The following PLA2G7 variants were observed in gnomAD, a reference collection of about 807,000 sequenced individuals.
PLA2G7 encodes the protein platelet-activating factor acetylhydrolase.
PLA2G7 carries 63 observed loss-of-function variants against 49.6 expected under a neutral mutation model. The observed-to-expected ratio is 1.27, with a 90% CI of 1.04 to 1.57. The LOEUF is 1.57. Ranked by LOEUF, PLA2G7 falls within the 40% of genes most tolerant of loss-of-function variation. PLA2G7 has a pLI of 0.00. For missense variants in PLA2G7, 596 were observed against 521.2 expected, an observed-to-expected ratio of 1.14 and a Z score of -1.40; for synonymous variants, 193 against 169.9, an observed-to-expected ratio of 1.14 and a Z score of -1.06.
intron 5 of PLA2G7, among the ~76,000 whole-genome samples, chr6:46,713,299 G>A (rs78327155): frequency 6.6e-6 from 1 of 152,152 alleles, no homozygotes; most frequent in Non-Finnish European, 1.5e-5. Flanking sequence ...TTCAAGAGGG[G>A]GGAATGATAT....
At chr6:46,729,984 TAA>T (rs1019865390) in intron 1 of PLA2G7, among the ~76,000 whole-genome samples, 3 of 152,196 alleles carry the variant, frequency 2.0e-5, no homozygotes, top group African/African-American at 7.2e-5. Flanking sequence ...AGGAAAAATC[TAA>T]AGACATCTTC....
rs1385770593 is a variant in PLA2G7 at position 46,708,140 on chromosome 6, T to C, written c.891A>G (p.Ala297=). 4 of 1,612,550 alleles carry C rather than the reference T, an allele frequency of 2.5e-6. No homozygotes were observed. Among genetic ancestry groups the C allele is most frequent in the South Asian group, 2.2e-5 (2 of 91,044 alleles). The part of the protein sequence containing the change: ...QRFRCGIALD[A]WMFPLGDEVY... ...CTTCATCACCCAGTGGAAACATCCA[T>C]GCATCCAGGGCAATACCACATCTGT... Residue 297 remains alanine (A), a synonymous_variant, in exon 10 of 12, where the codon GCA becomes GCG. Coordinates refer to ENST00000274793, the MANE Select transcript of PLA2G7 (RefSeq NM_005084.4).
intron 2 of PLA2G7, among the ~76,000 whole-genome samples, chr6:46,717,470 T>C (rs749613477): frequency 5.3e-5 from 8 of 152,192 alleles, no homozygotes; most frequent in Non-Finnish European, 8.8e-5. Context: ...TAACTTCTCC[T>C]TGAGCATCTC....
intron 1 of PLA2G7, among the ~76,000 whole-genome samples, chr6:46,727,301 T>C (rs938769530): frequency 3.3e-5 from 5 of 152,106 alleles, no homozygotes; most frequent in African/African-American, 1.2e-4. Context: ...CCCAAAACAA[T>C]AGATAAAATG....
chr6:46,725,481 T>C (rs1252997871), intron 1 of PLA2G7, among the ~76,000 whole-genome samples: 2 of 152,026 alleles, frequency 1.3e-5, no homozygotes, highest in Non-Finnish European at 2.9e-5. Context: ...CTGCCCACCT[T>C]GGCCTCCCAA....
chr6:46,728,054 CA>C (rs1765623712), intron 1 of PLA2G7, among the ~76,000 whole-genome samples: 1 of 152,138 alleles, frequency 6.6e-6, no homozygotes, highest in South Asian at 2.1e-4. Flanking sequence ...CTGAATGAGA[CA>C]AAAAGCAAAT....
intron 10 of PLA2G7, among the ~76,000 whole-genome samples, chr6:46,705,682 G>A (rs1044505548): frequency 6.6e-6 from 1 of 152,190 alleles, no homozygotes; most frequent in Non-Finnish European, 1.5e-5. Flanking sequence ...ACTGAACGTG[G>A]TATGTATTTG....
At chr6:46,731,642 A>G (rs937334983) in intron 1 of PLA2G7, among the ~76,000 whole-genome samples, 25 of 152,232 alleles carry the variant, frequency 1.6e-4, no homozygotes, top group African/African-American at 5.8e-4. Context: ...AATTAGGTTT[A>G]CTGAAAATAA....
intron 2 of PLA2G7, among the ~76,000 whole-genome samples, chr6:46,719,661 T>C (rs1472128617): frequency 6.6e-6 from 1 of 152,182 alleles, no homozygotes. Flanking sequence ...TCCTCTGGCC[T>C]AGTTGCTCCC....
chr6:46,711,448 G>T, intron 7 of PLA2G7, 48 bp downstream of exon 7: 1 of 1,604,916 alleles, frequency 6.2e-7, no homozygotes, highest in South Asian at 1.1e-5. Flanking sequence ...TCATCCTTTT[G>T]TACATGCTTT....
intron 6 of PLA2G7, 71 bp from the exon 7 acceptor site, chr6:46,711,690 C>T: frequency 6.7e-7 from 1 of 1,483,588 alleles, no homozygotes. Flanking sequence ...TTTCTCAGTT[C>T]CATCCTTGAC....
rs767771704 is a variant in PLA2G7 at position 46,709,415 on chromosome 6, A to G, written c.781T>C (p.Ser261Pro). The G allele has an allele frequency of 3.2e-6, 5 of 1,562,430 alleles. No individual in the cohort carries two copies. Among genetic ancestry groups the G allele is most frequent in the Non-Finnish European group, 4.4e-6 (5 of 1,133,456 alleles). Residue 261 changes from serine (S) to proline (P), a missense_variant, in exon 9 of 12, where the codon TCT becomes CCT. Coordinates refer to ENST00000274793, the MANE Select transcript of PLA2G7 (RefSeq NM_005084.4). Reference sequence around the variant, plus strand: ...ACTGCTATTTTTTCCCTATCAATAGAGTCCTATTTGAAAAAGCATGATATA... The same window carrying G: ...ACTGCTATTTTTTCCCTATCAATAGGGTCCTATTTGAAAAAGCATGATATA... ...LKFDMEQLKD[S>P]IDREKIAVIG... is the part of the protein sequence containing the mutation.
intron 2 of PLA2G7, among the ~76,000 whole-genome samples, chr6:46,722,535 G>A (rs375729262): frequency 6.6e-5 from 10 of 152,274 alleles, no homozygotes; most frequent in African/African-American, 2.4e-4. Context: ...TGAGCGTCCA[G>A]TATATCTTAA....
intron 1 of PLA2G7, among the ~76,000 whole-genome samples, chr6:46,725,063 A>C (rs1765527246): frequency 6.6e-6 from 1 of 152,208 alleles, no homozygotes; most frequent in South Asian, 2.1e-4. Context: ...GGAAGAAAGC[A>C]AATTACAGGG....
chr6:46,710,381 G>A lies in PLA2G7; in HGVS notation c.777+164C>T, dbSNP rs45609134. On this transcript the variant is annotated intron_variant, in intron 8 of 11. Coordinates refer to ENST00000274793, the MANE Select transcript of PLA2G7 (RefSeq NM_005084.4). Reference sequence around the variant, plus strand: ...CCAAGATAATGCATTCTTCATTGCTGCAATACTTTACCTGTACTGCTTTGT... The same window carrying A: ...CCAAGATAATGCATTCTTCATTGCTACAATACTTTACCTGTACTGCTTTGT... 4,844 of 633,432 alleles carry A rather than the reference G, an allele frequency of 7.6e-3. 27 individuals are homozygous for A. Among genetic ancestry groups the A allele is most frequent in the Non-Finnish European group, 0.01 (3,645 of 352,752 alleles). 39.2% of individuals were successfully genotyped at this position (633,432 alleles called of 1,614,324 possible).
rs41330644 is a variant in PLA2G7, at chr6:46,709,457, G to A, written c.778-39C>T. ...CATGATATAAATTTATAGCTATTTC[G>A]TGGTGTTAGAAGAAATGATTTTGTC... On this transcript the variant is annotated intron_variant, in intron 8 of 11. Transcript: ENST00000274793. The A allele has an allele frequency of 9.3e-4, 1,032 of 1,107,986 alleles. 7 individuals are homozygous for A. In the East Asian group the frequency reaches 0.021, roughly 23 times the overall value. 68.6% of individuals were successfully genotyped at this position (1,107,986 alleles called of 1,614,324 possible).
At position 46,708,160 on chromosome 6, in the gene PLA2G7, A is replaced by T. The variant is rs754408016; in HGVS notation, c.871T>A (p.Cys291Ser). Reference protein sequence around the residue: ...QTLSEDQRFRCGIALDAWMFP... With the variant: ...QTLSEDQRFRSGIALDAWMFP... ...ATCCATGCATCCAGGGCAATACCACATCTGTAGATATTTGTTGACAATGAT... is the reference window on the plus strand; with the variant it reads ...ATCCATGCATCCAGGGCAATACCACTTCTGTAGATATTTGTTGACAATGAT... Residue 291 changes from cysteine (C) to serine (S), a missense_variant and splice_region_variant, in exon 10 of 12, where the codon TGT becomes AGT. Transcript: ENST00000274793. The T allele has an allele frequency of 4.4e-6, 7 of 1,607,964 alleles. No individual in the cohort carries two copies. In the African/African-American group the frequency reaches 9.4e-5, roughly 22 times the overall value.
intron 9 of PLA2G7, among the ~76,000 whole-genome samples, chr6:46,708,988 G>T (rs986768290): frequency 6.6e-6 from 1 of 152,164 alleles, no homozygotes; most frequent in Non-Finnish European, 1.5e-5. Context: ...CACTGGAGAA[G>T]TCTGGCAATA....
chr6:46,734,619 G>C (rs990159162), intron 1 of PLA2G7, among the ~76,000 whole-genome samples: 7 of 151,950 alleles, frequency 4.6e-5, no homozygotes, highest in African/African-American at 1.5e-4. Context: ...TCAGGAGATC[G>C]AGACCATTGT....
Sources: allele counts gnomAD v4.1 joint callset (sites outside exome capture counted in the v4.1 genomes callset), GRCh38; gene constraint gnomAD v4.1.1; transcripts MANE v1.5; gene names NCBI Gene and HGNC (gene_info 2026-07-23, HGNC 2026-07-21).